Variants in RGS7BP observed in about 807,000 individuals in gnomAD.
RGS7BP encodes the protein regulator of G protein signaling 7-binding protein.
A neutral mutation model predicts 31.3 loss-of-function variants in RGS7BP; 9 were observed. That is an observed-to-expected ratio of 0.29 (90% CI 0.17 to 0.50). The LOEUF (loss-of-function observed/expected upper bound fraction) is 0.50. Among genes scored for constraint, RGS7BP ranks in the 20% least tolerant of loss-of-function variants. The pLI is 0.98. For missense variants in RGS7BP, 274 were observed against 322.0 expected, an observed-to-expected ratio of 0.85 and a Z score of 1.14; for synonymous variants, 115 against 120.1, an observed-to-expected ratio of 0.96 and a Z score of 0.28.
At chr5:64,589,753 C>T (rs1742857464) in intron 3 of RGS7BP, among the ~76,000 whole-genome samples, 1 of 151,810 alleles carries the variant, frequency 6.6e-6, no homozygotes, top group Admixed American at 6.6e-5. Flanking sequence ...CAGTAAGACC[C>T]CATTTCTACA....
At chr5:64,573,637 T>A (rs1447684968) in intron 2 of RGS7BP, 1 of 150,766 alleles carries the variant, frequency 6.6e-6, no homozygotes, top group Admixed American at 6.6e-5. Context: ...TAAGCAAGGA[T>A]GACATGCAAA....
rs181407172 is a variant in RGS7BP at position 64,546,094 on chromosome 5, C to A, written c.333-29680C>A. Among the ~76,000 whole-genome samples, 77 of 152,100 alleles carry A rather than the reference C, an allele frequency of 5.1e-4. 1 individual carries two copies. Among genetic ancestry groups the A allele is most frequent in the Non-Finnish European group, 1.2e-4 (8 of 68,016 alleles). ...GTTTGAACCCTGGAGGGCGAGGTTG[C>A]GGTGAGCCAAGATCACGCCACTGCA... On this transcript the variant is annotated intron_variant, in intron 2 of 5. Transcript: ENST00000334025.
chr5:64,531,386 A>G (rs1376760151), intron 2 of RGS7BP, among the ~76,000 whole-genome samples: 1 of 152,200 alleles, frequency 6.6e-6, no homozygotes, highest in Non-Finnish European at 1.5e-5. Flanking sequence ...TAACAGAGTC[A>G]TTGGAGACTC....
intron 2 of RGS7BP, among the ~76,000 whole-genome samples, chr5:64,515,711 T>TAC (rs140297030): frequency 0.013 from 1,936 of 148,702 alleles, 33 homozygotes; most frequent in African/African-American, 0.037. Flanking sequence ...CCTATATGCA[T>TAC]ACACACACAC....
chr5:64,557,981 C>T (rs557011104), intron 2 of RGS7BP, among the ~76,000 whole-genome samples: 28 of 152,148 alleles, frequency 1.8e-4, no homozygotes, highest in Admixed American at 1.7e-3. Context: ...CACAGTAAAA[C>T]CTGGAGTGCA....
At chr5:64,560,046 T>C (rs1014829011) in intron 2 of RGS7BP, among the ~76,000 whole-genome samples, 3 of 152,144 alleles carry the variant, frequency 2.0e-5, no homozygotes, top group African/African-American at 7.2e-5. Context: ...AATTAAGCCA[T>C]ATTACATAGC....
chr5:64,552,654 A>G (rs926044267), intron 2 of RGS7BP, among the ~76,000 whole-genome samples: 14 of 152,178 alleles, frequency 9.2e-5, no homozygotes, highest in Non-Finnish European at 2.1e-4. Flanking sequence ...CTGGGTCTGA[A>G]TTTAGATTGT....
chr5:64,594,610 C>G, intron 3 of RGS7BP, 100 bp from the exon 4 acceptor site: 1 of 1,127,004 alleles, frequency 8.9e-7, no homozygotes, highest in Non-Finnish European at 1.3e-6. Flanking sequence ...GAACATTTGA[C>G]TCAAAGCATA....
intron 5 of RGS7BP, among the ~76,000 whole-genome samples, chr5:64,603,231 A>G (rs1413041222): frequency 6.6e-6 from 1 of 152,204 alleles, no homozygotes; most frequent in Non-Finnish European, 1.5e-5. Context: ...GATGTGGTGC[A>G]TAAGGAGAAG....
intron 2 of RGS7BP, among the ~76,000 whole-genome samples, chr5:64,554,688 A>C (rs1238892737): frequency 4.6e-5 from 7 of 152,178 alleles, no homozygotes; most frequent in Admixed American, 2.6e-4. Flanking sequence ...GAATCTAGCA[A>C]AGGTGAAAGT....
At chr5:64,568,165 G>A (rs538289535) in intron 2 of RGS7BP, among the ~76,000 whole-genome samples, 7 of 151,872 alleles carry the variant, frequency 4.6e-5, no homozygotes, top group Admixed American at 3.3e-4. Flanking sequence ...AGCTATATTC[G>A]TGGAGAAGGG....
At chr5:64,523,163 G>T (rs1331491591) in intron 2 of RGS7BP, among the ~76,000 whole-genome samples, 1 of 152,156 alleles carries the variant, frequency 6.6e-6, no homozygotes, top group Non-Finnish European at 1.5e-5. Context: ...GCATTTCAAG[G>T]TCTCCAAACC....
intron 2 of RGS7BP, among the ~76,000 whole-genome samples, chr5:64,563,756 A>G (rs1316485781): frequency 1.3e-5 from 2 of 152,166 alleles, no homozygotes; most frequent in Admixed American, 6.6e-5. Context: ...GCTAATACAC[A>G]ATACGATTAC....
chr5:64,508,805 A>C (rs980276254), intron 2 of RGS7BP, among the ~76,000 whole-genome samples: 9 of 152,212 alleles, frequency 5.9e-5, no homozygotes, highest in Non-Finnish European at 1.0e-4. Context: ...TAATGTTACA[A>C]GCTGATCACT....
chr5:64,568,104 C>A (rs1216134902), intron 2 of RGS7BP, among the ~76,000 whole-genome samples: 1 of 151,578 alleles, frequency 6.6e-6, no homozygotes, highest in Non-Finnish European at 1.5e-5. Context: ...ATATATATAT[C>A]TTTACATACA....
intron 2 of RGS7BP, among the ~76,000 whole-genome samples, chr5:64,550,112 ACT>A (rs1447050691): frequency 6.6e-6 from 1 of 151,658 alleles, no homozygotes; most frequent in Non-Finnish European, 1.5e-5. Flanking sequence ...GTACATTGAA[ACT>A]CTTCCAGCCT....
intron 2 of RGS7BP, among the ~76,000 whole-genome samples, chr5:64,550,395 T>G (rs1741762339): frequency 6.6e-6 from 1 of 152,104 alleles, no homozygotes; most frequent in Non-Finnish European, 1.5e-5. Context: ...TGTCTCTTTT[T>G]CTAAAGGCAC....
intron 3 of RGS7BP, among the ~76,000 whole-genome samples, chr5:64,578,544 C>CT (rs1289745757): frequency 6.6e-6 from 1 of 152,200 alleles, no homozygotes; most frequent in African/African-American, 2.4e-5. Flanking sequence ...AACTGCTCCT[C>CT]TACCCTTTGA....
In RGS7BP at chr5:64,514,434, T is replaced by C. The variant is rs865983141; in HGVS notation, c.332+6557T>C. Among the ~76,000 whole-genome samples the C allele has an allele frequency of 7.2e-5, 11 of 152,314 alleles. No homozygotes were observed. The Middle Eastern group carries it at 0.01, about 141-fold the overall frequency. On this transcript the variant is annotated intron_variant, in intron 2 of 5. Transcript: ENST00000334025. ...TTTGCCCCAACTAGAGGTGAGGTTT[T>C]ACCTAGGACTTTCTGTATACTCTCT...
Sources: allele counts gnomAD v4.1 joint callset (sites outside exome capture counted in the v4.1 genomes callset), GRCh38; gene constraint gnomAD v4.1.1; transcripts MANE v1.5; gene names NCBI Gene and HGNC (gene_info 2026-07-23, HGNC 2026-07-21).